Variants in LPAR3 observed in about 807,000 individuals in gnomAD.
LPAR3 encodes lysophosphatidic acid receptor 3, also known as LPA receptor 3.
In LPAR3, 7 loss-of-function variants were observed where a neutral mutation model predicts 17.8. The ratio of observed to expected loss-of-function variants is 0.39; its 90% confidence interval spans 0.22 to 0.74. LPAR3 has a LOEUF of 0.74. Ranked by LOEUF, LPAR3 falls within the 30% of genes least tolerant of loss-of-function variation. LPAR3 has a pLI of 0.40. For missense variants in LPAR3, 391 were observed against 453.4 expected, an observed-to-expected ratio of 0.86 and a Z score of 1.25; for synonymous variants, 179 against 179.9, an observed-to-expected ratio of 0.99 and a Z score of 0.04.
At chr1:84,840,675 G>T (rs1164929226) in intron 2 of LPAR3, among the ~76,000 whole-genome samples, 1 of 152,130 alleles carries the variant, frequency 6.6e-6, no homozygotes, top group African/African-American at 2.4e-5. Flanking sequence ...AAACTTTTCT[G>T]AACAATTTAG....
intron 2 of LPAR3, among the ~76,000 whole-genome samples, chr1:84,858,567 A>G (rs1353403027): frequency 6.6e-6 from 1 of 151,780 alleles, no homozygotes; most frequent in African/African-American, 2.4e-5. Context: ...TGTCTCAGCC[A>G]GAGCCCATCT....
Position 84,892,262 on chromosome 1 carries a change from A to AAATAAAT in LPAR3, c.-19+753_-19+754insATTTATT, listed in dbSNP as rs1414259362. 3.0e-3 allele frequency among the ~76,000 whole-genome samples: 329 copies of AAATAAAT among 110,292 alleles called. 1 individual carries two copies. The highest frequency in any genetic ancestry group is 4.9e-3 in the Middle Eastern group (1 of 206). 72.4% of individuals were successfully genotyped at this position (110,292 alleles called of 152,430 possible). A position where few individuals can be genotyped will look rare whatever the true frequency, so the allele number is the denominator to read the frequency against. On this transcript the variant is annotated intron_variant, in intron 1 of 2. Coordinates refer to ENST00000370611, the MANE Select transcript of LPAR3 (RefSeq NM_012152.3). ...ATAAATAAATAAATAAATAAATAAA[A>AAATAAAT]ACTAACCTACAAATGCTTTTCAGGG...
intron 2 of LPAR3, among the ~76,000 whole-genome samples, chr1:84,856,529 G>A (rs1036420370): frequency 6.6e-6 from 1 of 152,040 alleles, no homozygotes; most frequent in African/African-American, 2.4e-5. Context: ...AATTCCTCAC[G>A]AACTTAGGCA....
rs10615696 is a variant in LPAR3 at position 84,858,483 on chromosome 1, CAAA to C, written c.736+6899_736+6901del. The stretch of plus-strand genomic sequence containing the variant: ...CTTGGGCGACAGGGCGAGACTGTCT[CAAA>C]AAAAAAAAAAAAAAAAAACCTAAAA... On this transcript the variant is annotated intron_variant, in intron 2 of 2. Transcript: ENST00000370611. Among the ~76,000 whole-genome samples the C allele has an allele frequency of 4.6e-3, 484 of 105,758 alleles. 1 individual carries two copies. Among genetic ancestry groups the C allele is most frequent in the East Asian group, 0.024 (84 of 3,530 alleles). 69.4% of individuals were successfully genotyped at this position (105,758 alleles called of 152,430 possible).
chr1:84,883,563 T>C (rs369101557), intron 1 of LPAR3, among the ~76,000 whole-genome samples: 6 of 152,238 alleles, frequency 3.9e-5, no homozygotes, highest in Middle Eastern at 3.2e-3. Context: ...TTCACTGATA[T>C]ACTAGTGAAC....
intron 2 of LPAR3, among the ~76,000 whole-genome samples, chr1:84,844,158 T>TATGA (rs1236321971): frequency 6.6e-6 from 1 of 152,246 alleles, no homozygotes; most frequent in African/African-American, 2.4e-5. Context: ...GCAAATGTTA[T>TATGA]ATGAATGAAT....
At chr1:84,829,588 C>G (rs1327215484) in intron 2 of LPAR3, among the ~76,000 whole-genome samples, 1 of 151,714 alleles carries the variant, frequency 6.6e-6, no homozygotes, top group African/African-American at 2.4e-5. Flanking sequence ...TAATGAATGG[C>G]ATGGGCCTAT....
chr1:84,838,777 C>T (rs150543144), intron 2 of LPAR3, among the ~76,000 whole-genome samples: 244 of 152,274 alleles, frequency 1.6e-3, no homozygotes, highest in African/African-American at 5.8e-3. Context: ...AGGACACAGC[C>T]GGACAGGCAG....
Position 84,840,423 on chromosome 1 carries a change from A to T in LPAR3, c.736+24962T>A, listed in dbSNP as rs146112522. 2.9e-3 allele frequency among the ~76,000 whole-genome samples: 437 copies of T among 152,334 alleles called. 3 individuals carry two copies. The highest frequency in any genetic ancestry group is 0.01 in the Middle Eastern group (3 of 294). On this transcript the variant is annotated intron_variant, in intron 2 of 2. Transcript: ENST00000370611. ...AAAGCATCAAATATCTAGCTTAAGG[A>T]TTCCTTTAAAAAATCTTATAGAAGA...
rs769368125 is a variant in LPAR3, at chr1:84,813,154, T to TAGAGAGAG, written c.*691_*692insCTCTCTCT. 3.0e-5 allele frequency: 3 copies of TAGAGAGAG among 101,046 alleles called. No individual in the cohort carries two copies. The highest frequency in any genetic ancestry group is 2.9e-4 in the East Asian group (1 of 3,488). The allele number at this position is 101,046 out of a possible 1,614,324, so 6.3% of individuals were successfully genotyped here. ...ATATATATATATATATATATATATA[T>TAGAGAGAG]ATATAGACACACACACACACACACA... On this transcript the variant is annotated 3_prime_UTR_variant, in exon 3 of 3. Transcript: ENST00000370611.
At chr1:84,838,820 A>C (rs1160086618) in intron 2 of LPAR3, among the ~76,000 whole-genome samples, 1 of 151,958 alleles carries the variant, frequency 6.6e-6, no homozygotes, top group African/African-American at 2.4e-5. Context: ...TGACCCGCCC[A>C]CCTCTCTGCT....
chr1:84,890,187 A>G (rs1467744612), intron 1 of LPAR3, among the ~76,000 whole-genome samples: 1 of 152,146 alleles, frequency 6.6e-6, no homozygotes, highest in South Asian at 2.1e-4. Context: ...TCAAGGCCGG[A>G]AAGGGGGAGG....
At chr1:84,862,671 C>G (rs1241914280) in intron 2 of LPAR3, among the ~76,000 whole-genome samples, 2 of 152,236 alleles carry the variant, frequency 1.3e-5, no homozygotes, top group Non-Finnish European at 2.9e-5. Flanking sequence ...ATCTTACTAG[C>G]AGTTTCAGGA....
Position 84,851,124 on chromosome 1 carries a change from A to G in LPAR3, c.736+14261T>C, listed in dbSNP as rs559428218. Among the ~76,000 whole-genome samples, 48 of 152,378 alleles carry G rather than the reference A, an allele frequency of 3.2e-4. No individual in the cohort carries two copies. The South Asian group carries it at 7.5e-3, about 24-fold the overall frequency. On this transcript the variant is annotated intron_variant, in intron 2 of 2. Transcript: ENST00000370611. ...GGCAGCATCACCTTCTAAGAGGATTAAACAGAGTATGTATAAATGCCTGGC... is the reference window on the plus strand; with the variant it reads ...GGCAGCATCACCTTCTAAGAGGATTGAACAGAGTATGTATAAATGCCTGGC...
intron 1 of LPAR3, among the ~76,000 whole-genome samples, chr1:84,879,320 T>TTTC (rs1553149964): frequency 1.4e-5 from 2 of 143,252 alleles, no homozygotes; most frequent in Non-Finnish European, 3.0e-5. Flanking sequence ...TTTTTTCTTT[T>TTTC]TTTTTTTTTG....
chr1:84,871,040 A>G (rs138619033), intron 1 of LPAR3, among the ~76,000 whole-genome samples: 22 of 152,214 alleles, frequency 1.4e-4, no homozygotes, highest in African/African-American at 4.3e-4. Context: ...TTCAACTTTT[A>G]TGGTAAGTAG....
chr1:84,879,318 T>TTTTTCTTTTC (rs1660319297), intron 1 of LPAR3, among the ~76,000 whole-genome samples: 1 of 143,046 alleles, frequency 7.0e-6, no homozygotes, highest in Non-Finnish European at 1.5e-5. Context: ...TCTTTTTTCT[T>TTTTTCTTTTC]TTTTTTTTTT....
rs1361017279 is a variant in LPAR3 at position 84,858,502 on chromosome 1, AAAC to A, written c.736+6880_736+6882del. On this transcript the variant is annotated intron_variant, in intron 2 of 2. Transcript: ENST00000370611. ...CTGTCTCAAAAAAAAAAAAAAAAAAAAACCTAAAAAACACGATTCTTACCTATT... is the reference window on the plus strand; with the variant it reads ...CTGTCTCAAAAAAAAAAAAAAAAAAACTAAAAAACACGATTCTTACCTATT... Among the ~76,000 whole-genome samples, 173 of 151,346 alleles carry A rather than the reference AAAC, an allele frequency of 1.1e-3. 1 individual carries two copies. Among genetic ancestry groups the A allele is most frequent in the African/African-American group, 3.9e-3 (160 of 41,262 alleles).
rs12090261 is a variant in LPAR3 at position 84,857,437 on chromosome 1, G to A, written c.736+7948C>T. On this transcript the variant is annotated intron_variant, in intron 2 of 2. Coordinates refer to ENST00000370611, the MANE Select transcript of LPAR3 (RefSeq NM_012152.3). Reference sequence around the variant, plus strand: ...GAATTGCTCAAGGTCACACAACTTGGAATTGACAAAGCTAGGATTTAAATC... The same window carrying A: ...GAATTGCTCAAGGTCACACAACTTGAAATTGACAAAGCTAGGATTTAAATC... Among the ~76,000 whole-genome samples, 342 of 152,172 alleles carry A rather than the reference G, an allele frequency of 2.2e-3. 1 individual carries two copies. The highest frequency in any genetic ancestry group is 7.9e-3 in the African/African-American group (330 of 41,510).
Sources: allele counts gnomAD v4.1 joint callset (sites outside exome capture counted in the v4.1 genomes callset), GRCh38; gene constraint gnomAD v4.1.1; transcripts MANE v1.5; gene names NCBI Gene and HGNC (gene_info 2026-07-23, HGNC 2026-07-21).